SHISA6: variants seen among roughly 807,000 people sequenced by gnomAD.
The protein encoded by SHISA6 is shisa family member 6, also known as protein shisa-6.
Under a neutral mutation model 47.9 loss-of-function variants are expected in SHISA6, and 22 were observed. The observed-to-expected ratio is 0.46, with a 90% CI of 0.33 to 0.66. The LOEUF (loss-of-function observed/expected upper bound fraction) is 0.66, where lower values mean the gene tolerates loss of function less well. SHISA6 is among the 30% of genes least tolerant of loss of function. The probability of loss-of-function intolerance (pLI) is 0.02; values close to 1 mark genes in which losing one functional copy is unlikely to be tolerated. For missense variants in SHISA6, 680 were observed against 764.6 expected, an observed-to-expected ratio of 0.89 and a Z score of 1.30; for synonymous variants, 388 against 337.8, an observed-to-expected ratio of 1.15 and a Z score of -1.63.
intron 3 of SHISA6, among the ~76,000 whole-genome samples, chr17:11,389,801 CCTT>C (rs1405332025): frequency 2.0e-5 from 3 of 152,298 alleles, no homozygotes; most frequent in African/African-American, 7.2e-5. Context: ...GGGAATCTCC[CCTT>C]CTTATGTGCC....
intron 3 of SHISA6, among the ~76,000 whole-genome samples, chr17:11,492,208 A>G (rs1334818101): frequency 3.3e-5 from 5 of 152,134 alleles, no homozygotes; most frequent in Admixed American, 3.3e-4. Context: ...GATGAGGAGG[A>G]TGAAGTGCTA....
Position 11,483,232 on chromosome 17 carries a change from C to T in SHISA6, c.896-68664C>T, listed in dbSNP as rs140226260. Among the ~76,000 whole-genome samples the T allele has an allele frequency of 2.4e-3, 362 of 150,780 alleles. 3 individuals are homozygous for T. Among genetic ancestry groups the T allele is most frequent in the African/African-American group, 8.3e-3 (342 of 41,054 alleles). On this transcript the variant is annotated intron_variant, in intron 3 of 5. Transcript: ENST00000441885. ...AGGAGAATCACTTGAACTTGGGAGG[C>T]GGAGGTTGCAGTAAGCCAAGATCGT... is the stretch of plus-strand genomic sequence containing the variant.
intron 2 of SHISA6, among the ~76,000 whole-genome samples, chr17:11,275,224 C>A (rs887215456): frequency 6.6e-6 from 1 of 150,734 alleles, no homozygotes; most frequent in East Asian, 2.0e-4. Context: ...AGGTAGGGGT[C>A]GCTGCTGTGG....
chr17:11,405,538 T>A (rs554059713), intron 3 of SHISA6, among the ~76,000 whole-genome samples: 60 of 152,266 alleles, frequency 3.9e-4, no homozygotes, highest in Admixed American at 1.4e-3. Context: ...GCGCAGTGGC[T>A]CACACCTGTG....
At chr17:11,348,596 TAGTG>T (rs1481091971) in intron 2 of SHISA6, among the ~76,000 whole-genome samples, 1 of 152,158 alleles carries the variant, frequency 6.6e-6, no homozygotes, top group African/African-American at 2.4e-5. Flanking sequence ...TGGTCTGAGT[TAGTG>T]AGTGAAGTTT....
intron 2 of SHISA6, among the ~76,000 whole-genome samples, chr17:11,356,116 G>A (rs1203870300): frequency 1.3e-5 from 2 of 152,200 alleles, no homozygotes; most frequent in Admixed American, 6.5e-5. Context: ...AGAAGTTTCT[G>A]TACAAAGATA....
intron 3 of SHISA6, among the ~76,000 whole-genome samples, chr17:11,526,880 CATAT>C (rs149856154): frequency 2.2e-3 from 248 of 110,328 alleles, no homozygotes; most frequent in South Asian, 3.2e-3. Flanking sequence ...TATCTATCAT[CATAT>C]ATATATATAT....
chr17:11,283,668 T>C (rs1403772570), intron 2 of SHISA6, among the ~76,000 whole-genome samples: 1 of 152,218 alleles, frequency 6.6e-6, no homozygotes, highest in Non-Finnish European at 1.5e-5. Context: ...TATTTTCTAA[T>C]GCATAGATGT....
At chr17:11,309,016 A>G (rs946111797) in intron 2 of SHISA6, among the ~76,000 whole-genome samples, 2 of 152,124 alleles carry the variant, frequency 1.3e-5, no homozygotes, top group African/African-American at 4.8e-5. Flanking sequence ...CCAGGCTGGA[A>G]TGCAGTGGCA....
intron 2 of SHISA6, among the ~76,000 whole-genome samples, chr17:11,334,993 A>T (rs1010173132): frequency 9.8e-5 from 15 of 152,332 alleles, no homozygotes; most frequent in African/African-American, 3.6e-4. Context: ...GATACCTGAG[A>T]CACTTGATGT....
chr17:11,515,178 TG>T (rs1355748448), intron 3 of SHISA6, among the ~76,000 whole-genome samples: 3 of 144,404 alleles, frequency 2.1e-5, no homozygotes, highest in Non-Finnish European at 3.0e-5. Context: ...CCTTAGAAAA[TG>T]CTCCATATAG....
intron 3 of SHISA6, among the ~76,000 whole-genome samples, chr17:11,451,481 G>A (rs552039963): frequency 6.6e-6 from 1 of 152,186 alleles, no homozygotes. Flanking sequence ...AAATAGTCAA[G>A]TAATTAAGTA....
chr17:11,536,480 A>C (rs1278997798), intron 3 of SHISA6, among the ~76,000 whole-genome samples: 2 of 152,178 alleles, frequency 1.3e-5, no homozygotes, highest in Non-Finnish European at 2.9e-5. Flanking sequence ...ACTTGAGTTG[A>C]GTTTTGTGAT....
chr17:11,269,041 TC>T (rs1567555570), intron 2 of SHISA6, among the ~76,000 whole-genome samples: 6 of 146,228 alleles, frequency 4.1e-5, no homozygotes, highest in African/African-American at 1.6e-4. Flanking sequence ...TTTTTGTTTG[TC>T]TGTTTTGTTT....
At chr17:11,251,535 T>G (rs1247094774) in intron 1 of SHISA6, among the ~76,000 whole-genome samples, 1 of 151,802 alleles carries the variant, frequency 6.6e-6, no homozygotes, top group Non-Finnish European at 1.5e-5. Flanking sequence ...AAGAGGCGAT[T>G]TGGGAGGCGG....
intron 2 of SHISA6, among the ~76,000 whole-genome samples, chr17:11,353,484 G>T (rs1472350795): frequency 1.3e-5 from 2 of 151,764 alleles, no homozygotes; most frequent in Non-Finnish European, 2.9e-5. Context: ...TGAGGCGGGG[G>T]GTCCTCAACC....
chr17:11,304,949 C>T (rs1910055689), intron 2 of SHISA6, among the ~76,000 whole-genome samples: 1 of 152,184 alleles, frequency 6.6e-6, no homozygotes, highest in Non-Finnish European at 1.5e-5. Flanking sequence ...GTTCCTCAGA[C>T]CGCATGTTTC....
At chr17:11,309,726 C>T (rs138242362) in intron 2 of SHISA6, among the ~76,000 whole-genome samples, 34 of 152,286 alleles carry the variant, frequency 2.2e-4, no homozygotes, top group African/African-American at 7.7e-4. Context: ...TGCTTTGCCC[C>T]GGCTTTGTGT....
chr17:11,334,956 G>A (rs747550544), intron 2 of SHISA6, among the ~76,000 whole-genome samples: 2 of 152,200 alleles, frequency 1.3e-5, no homozygotes, highest in African/African-American at 2.4e-5. Context: ...CACGAGGCTG[G>A]GCAAAACCCA....
Sources: gnomAD v4.1 joint callset for allele counts (sites outside exome capture counted in the v4.1 genomes callset) on GRCh38, gnomAD v4.1.1 for gene constraint, MANE v1.5 for transcripts, NCBI Gene and HGNC (gene_info 2026-07-23, HGNC 2026-07-21) for gene names.